The following CHST9 variants were observed in gnomAD, a reference collection of about 807,000 sequenced individuals.
The protein encoded by CHST9 is carbohydrate sulfotransferase 9.
CHST9 carries 41 observed loss-of-function variants against 44.4 expected under a neutral mutation model. The observed-to-expected ratio is 0.92, with a 90% CI of 0.72 to 1.20. The LOEUF (loss-of-function observed/expected upper bound fraction) is 1.20, where lower values mean the gene tolerates loss of function less well. CHST9 is among the 50% of genes most tolerant of loss of function. The probability of loss-of-function intolerance (pLI) is 0.00; values close to 1 mark genes in which losing one functional copy is unlikely to be tolerated. For synonymous variants in CHST9, 171 were observed against 178.4 expected, an observed-to-expected ratio of 0.96 and a Z score of 0.33; for missense variants, 504 against 516.5, an observed-to-expected ratio of 0.98 and a Z score of 0.23.
At chr18:26,972,918 C>G (rs2056569245) in intron 4 of CHST9, among the ~76,000 whole-genome samples, 1 of 152,182 alleles carries the variant, frequency 6.6e-6, no homozygotes, top group Admixed American at 6.5e-5. Flanking sequence ...CAGAAGACGG[C>G]CGAGCTTCAC....
intron 2 of CHST9, 50 bp from the exon 3 acceptor site, chr18:27,048,553 G>A: frequency 6.7e-7 from 1 of 1,486,282 alleles, no homozygotes; most frequent in Non-Finnish European, 9.2e-7. Context: ...ATGAGAATAT[G>A]ATGAAAATAA....
intron 1 of CHST9, among the ~76,000 whole-genome samples, chr18:27,181,315 C>A (rs9956654): frequency 0.71 from 107,957 of 152,126 alleles, 38,511 homozygotes; most frequent in East Asian, 0.77. Context: ...ATCTACAACC[C>A]ATTTTGCCCT....
intron 4 of CHST9, among the ~76,000 whole-genome samples, chr18:26,981,385 C>T (rs1355635185): frequency 3.3e-5 from 5 of 152,204 alleles, no homozygotes; most frequent in Non-Finnish European, 5.9e-5. Flanking sequence ...AAAGTAGCCA[C>T]TCATGTCTAG....
intron 2 of CHST9, among the ~76,000 whole-genome samples, chr18:27,111,674 G>A (rs1269259937): frequency 6.6e-6 from 1 of 152,202 alleles, no homozygotes; most frequent in African/African-American, 2.4e-5. Context: ...CAGGCCATGG[G>A]ATGCCCACAT....
chr18:26,947,064 T>C (rs1184714192), intron 4 of CHST9, among the ~76,000 whole-genome samples: 4 of 152,212 alleles, frequency 2.6e-5, no homozygotes, highest in African/African-American at 9.6e-5. Flanking sequence ...AGAAAGTCAA[T>C]GGTAGCTTGA....
rs191163935 is a variant in CHST9 at position 27,090,877 on chromosome 18, C to T, written c.122-42374G>A. Among the ~76,000 whole-genome samples, 764 of 152,218 alleles carry T rather than the reference C, an allele frequency of 5.0e-3. 6 individuals carry two copies. Among genetic ancestry groups the T allele is most frequent in the African/African-American group, 0.015 (615 of 41,540 alleles). On this transcript the variant is annotated intron_variant, in intron 2 of 5. Coordinates refer to ENST00000618847, the MANE Select transcript of CHST9 (RefSeq NM_031422.6). ...TGTATTATAGTTTGAAGTCAGGTAG[C>T]GTGATGCCTCCAGCTTTGTTCTTTT...
At chr18:27,095,557 A>C (rs2058108597) in intron 2 of CHST9, among the ~76,000 whole-genome samples, 1 of 152,180 alleles carries the variant, frequency 6.6e-6, no homozygotes, top group Non-Finnish European at 1.5e-5. Flanking sequence ...TCTCAAACAT[A>C]ATGACGCCAA....
At chr18:27,006,859 T>G (rs1328189297) in intron 4 of CHST9, among the ~76,000 whole-genome samples, 1 of 152,106 alleles carries the variant, frequency 6.6e-6, no homozygotes, top group African/African-American at 2.4e-5. Flanking sequence ...TAGACACTGG[T>G]GAATGGGCAG....
intron 2 of CHST9, among the ~76,000 whole-genome samples, chr18:27,132,918 A>T (rs1182073817): frequency 2.6e-5 from 4 of 152,126 alleles, no homozygotes; most frequent in Admixed American, 1.3e-4. Flanking sequence ...TAGAATCTTC[A>T]GCTGCTCTGG....
chr18:27,012,838 C>T (rs1030162333), intron 4 of CHST9, among the ~76,000 whole-genome samples: 3 of 152,070 alleles, frequency 2.0e-5, no homozygotes, highest in African/African-American at 7.2e-5. Context: ...TTTGGACATG[C>T]GGCTAAAAAT....
intron 2 of CHST9, among the ~76,000 whole-genome samples, chr18:27,059,169 T>A (rs1195811866): frequency 2.6e-5 from 4 of 152,192 alleles, no homozygotes; most frequent in Non-Finnish European, 5.9e-5. Context: ...AGTTTTACAA[T>A]TTTACCCTGT....
At chr18:27,048,072 A>G (rs893401762) in intron 3 of CHST9, among the ~76,000 whole-genome samples, 1 of 152,202 alleles carries the variant, frequency 6.6e-6, no homozygotes, top group African/African-American at 2.4e-5. Context: ...CACTGTCCTG[A>G]AAAGCATCCA....
At chr18:27,181,686 A>C (rs1175175409) in intron 1 of CHST9, among the ~76,000 whole-genome samples, 2 of 152,184 alleles carry the variant, frequency 1.3e-5, no homozygotes, top group Non-Finnish European at 2.9e-5. Context: ...CACTTCTTAA[A>C]ATATATTAAC....
At chr18:27,018,588 C>T (rs926725999) in intron 4 of CHST9, among the ~76,000 whole-genome samples, 2 of 152,138 alleles carry the variant, frequency 1.3e-5, no homozygotes, top group Non-Finnish European at 2.9e-5. Flanking sequence ...CTTTTTCTTT[C>T]CCCTGCAGGA....
At position 26,917,366 on chromosome 18, in the gene CHST9, A is replaced by G; in HGVS notation, c.241-16T>C. ...ACTTGGGGTTCTGTTAAAATAAAGA[A>G]GGAGAAATGTTGAAAGCACAGTCAC... On this transcript the variant is annotated splice_polypyrimidine_tract_variant and intron_variant, in intron 5 of 5. Transcript: ENST00000618847. 1 of 1,602,252 alleles carries G rather than the reference A, an allele frequency of 6.2e-7. No homozygotes were observed. Among genetic ancestry groups the G allele is most frequent in the Non-Finnish European group, 8.5e-7 (1 of 1,176,212 alleles).
intron 1 of CHST9, among the ~76,000 whole-genome samples, chr18:27,165,721 T>C (rs2058784595): frequency 6.6e-6 from 1 of 152,188 alleles, no homozygotes; most frequent in South Asian, 2.1e-4. Flanking sequence ...AAAATTTCTT[T>C]TAAAGGAGCT....
chr18:26,949,395 AT>A (rs1434094148), intron 4 of CHST9, among the ~76,000 whole-genome samples: 2 of 151,740 alleles, frequency 1.3e-5, no homozygotes, highest in African/African-American at 4.8e-5. Flanking sequence ...TTTTTTTTTA[AT>A]TAGCTGGGTG....
In CHST9 at chr18:26,917,309, C is replaced by CT. The variant is rs532223263; in HGVS notation, c.281dup (p.Glu95GlyfsTer8). The CT allele has an allele frequency of 1.9e-4, 312 of 1,612,420 alleles. 1 individual carries two copies. In the African/African-American group the frequency reaches 3.8e-3, roughly 19 times the overall value. ...TCTCAGAATTGAGTAGAAGATTTTC[C>CT]TTTTTTTCTCGTACATCCTCAGGCA... On this transcript the variant is annotated frameshift_variant, in exon 6 of 6. Coordinates refer to ENST00000618847, the MANE Select transcript of CHST9 (RefSeq NM_031422.6). LOFTEE classifies it high-confidence loss of function.
At chr18:27,155,849 C>A (rs927660219) in intron 1 of CHST9, among the ~76,000 whole-genome samples, 2 of 151,986 alleles carry the variant, frequency 1.3e-5, no homozygotes, top group Admixed American at 1.3e-4. Context: ...TTATGAGAAT[C>A]AGCACCATAA....
Sources: allele counts gnomAD v4.1 joint callset (sites outside exome capture counted in the v4.1 genomes callset), GRCh38; gene constraint gnomAD v4.1.1; transcripts MANE v1.5; gene names NCBI Gene and HGNC (gene_info 2026-07-23, HGNC 2026-07-21).